The following NFIA variants were observed in gnomAD, a reference collection of about 807,000 sequenced individuals.
NFIA encodes the protein nuclear factor I A.
NFIA carries 8 observed loss-of-function variants against 62.8 expected under a neutral mutation model. The observed-to-expected ratio is 0.13, with a 90% CI of 0.07 to 0.23. The LOEUF is 0.23. Ranked by LOEUF, NFIA falls within the 10% of genes least tolerant of loss-of-function variation. The probability of loss-of-function intolerance (pLI) is 1.00; values close to 1 mark genes in which losing one functional copy is unlikely to be tolerated. For missense variants in NFIA, 410 were observed against 642.1 expected, an observed-to-expected ratio of 0.64 and a Z score of 3.91; for synonymous variants, 235 against 238.1, an observed-to-expected ratio of 0.99 and a Z score of 0.12.
chr1:61,125,800 A>C (rs1646957109), intron 2 of NFIA, among the ~76,000 whole-genome samples: 1 of 152,218 alleles, frequency 6.6e-6, no homozygotes, highest in Non-Finnish European at 1.5e-5. Context: ...AGAAGAGATC[A>C]CCTAAGCCTA....
intron 7 of NFIA, among the ~76,000 whole-genome samples, chr1:61,393,494 T>G (rs942889498): frequency 2.6e-5 from 4 of 151,414 alleles, no homozygotes; most frequent in Non-Finnish European, 5.9e-5. Context: ...ACAACAGATT[T>G]AGGGAAGGGC....
At chr1:61,220,533 C>T (rs201608511) in intron 2 of NFIA, among the ~76,000 whole-genome samples, 1 of 152,218 alleles carries the variant, frequency 6.6e-6, no homozygotes, top group Admixed American at 6.5e-5. Flanking sequence ...GAGACACTAT[C>T]ATTGCTAAAT....
chr1:61,406,543 G>GGGGGGC lies in NFIA; in HGVS notation c.1255-19_1255-18insGGGGGC. On this transcript the variant is annotated intron_variant, in intron 8 of 10. Coordinates refer to ENST00000403491, the MANE Select transcript of NFIA (RefSeq NM_001134673.4). ...TCTTTTTCTTGTACGTGTGTTTTCT[G>GGGGGGC]CCCCCCCCCCCCCCACAGCCCAATG... 1.1e-6 allele frequency: 1 copy of GGGGGGC among 876,654 alleles called. No individual in the cohort carries two copies. Among genetic ancestry groups the GGGGGGC allele is most frequent in the Non-Finnish European group, 1.5e-6 (1 of 653,744 alleles). 54.3% of individuals were successfully genotyped at this position (876,654 alleles called of 1,614,324 possible).
In NFIA at chr1:61,458,414, G is replaced by A. The variant is rs1668398124; in HGVS notation, c.*3094G>A. The A allele has an allele frequency of 6.6e-6, 1 of 152,124 alleles. No individual in the cohort carries two copies. The highest frequency in any genetic ancestry group is 1.5e-5 in the Non-Finnish European group (1 of 68,014). 9.4% of individuals were successfully genotyped at this position (152,124 alleles called of 1,614,324 possible). Reference sequence around the variant, plus strand: ...TTTAGTTGTTTTTAGTGAGCATGTTGTAGTCATGACTGCAAAGAGAGAGAA... The same window carrying A: ...TTTAGTTGTTTTTAGTGAGCATGTTATAGTCATGACTGCAAAGAGAGAGAA... On this transcript the variant is annotated 3_prime_UTR_variant, in exon 11 of 11. Transcript: ENST00000403491.
At chr1:61,156,494 G>T (rs1264598961) in intron 2 of NFIA, among the ~76,000 whole-genome samples, 1 of 152,198 alleles carries the variant, frequency 6.6e-6, no homozygotes, top group Non-Finnish European at 1.5e-5. Flanking sequence ...TGACTATAGA[G>T]AATTCATTGC....
At chr1:61,184,170 CAAAA>C (rs543096247) in intron 2 of NFIA, among the ~76,000 whole-genome samples, 11 of 111,392 alleles carry the variant, frequency 9.9e-5, no homozygotes, top group Non-Finnish European at 1.6e-4. Context: ...AAACAAAAAA[CAAAA>C]AACTTCAGAG....
chr1:61,420,001 G>A (rs116262435), intron 9 of NFIA, among the ~76,000 whole-genome samples: 3,572 of 152,186 alleles, frequency 0.023, 67 homozygotes, highest in Non-Finnish European at 0.038. Flanking sequence ...ATAGAAATTC[G>A]GCGTAGTTAT....
At chr1:61,334,550 T>TGTGTGTGG (rs1661485504) in intron 4 of NFIA, among the ~76,000 whole-genome samples, 1 of 55,360 alleles carries the variant, frequency 1.8e-5, no homozygotes, top group Non-Finnish European at 3.5e-5. Flanking sequence ...TGTGTGTGTG[T>TGTGTGTGG]GTGTGTATAT....
At chr1:61,183,105 AT>A (rs774844214) in intron 2 of NFIA, among the ~76,000 whole-genome samples, 4 of 152,152 alleles carry the variant, frequency 2.6e-5, no homozygotes, top group African/African-American at 9.7e-5. Context: ...CACAGTGTAT[AT>A]TTTGGTTCTT....
At chr1:61,107,923 A>G (rs1001726941) in intron 2 of NFIA, among the ~76,000 whole-genome samples, 2 of 151,560 alleles carry the variant, frequency 1.3e-5, no homozygotes, top group African/African-American at 4.8e-5. Context: ...CTATTCCCCA[A>G]ATAATGTAAA....
At chr1:61,124,599 T>C (rs1646938528) in intron 2 of NFIA, 1 of 152,234 alleles carries the variant, frequency 6.6e-6, no homozygotes, top group Admixed American at 6.5e-5. Flanking sequence ...TGTAAAATTA[T>C]TTGAATAGCT....
At chr1:61,426,205 T>C (rs1393865006) in intron 9 of NFIA, among the ~76,000 whole-genome samples, 1 of 152,212 alleles carries the variant, frequency 6.6e-6, no homozygotes, top group Non-Finnish European at 1.5e-5. Context: ...TGTTCTAATT[T>C]GTATGGTAGA....
chr1:61,119,221 C>A (rs1356552216), intron 2 of NFIA, among the ~76,000 whole-genome samples: 1 of 152,120 alleles, frequency 6.6e-6, no homozygotes, highest in African/African-American at 2.4e-5. Flanking sequence ...GTGTTACTTA[C>A]AAAACCTGGC....
chr1:61,381,533 A>C (rs571521047), intron 6 of NFIA, among the ~76,000 whole-genome samples: 85 of 152,292 alleles, frequency 5.6e-4, no homozygotes, highest in Non-Finnish European at 1.1e-3. Context: ...ATCTGATTCA[A>C]ATTGTCAAAT....
Position 61,209,945 on chromosome 1 carries a change from A to G in NFIA, c.560-67575A>G, listed in dbSNP as rs544808646. ...TCAGGTACAGTTTCACTGTCCAAAA[A>G]TAATTAACATTAACATCTTGGTATA... On this transcript the variant is annotated intron_variant, in intron 2 of 10. Transcript: ENST00000403491. Among the ~76,000 whole-genome samples, 19 of 152,348 alleles carry G rather than the reference A, an allele frequency of 1.2e-4. No homozygotes were observed. The South Asian group carries it at 3.3e-3, about 27-fold the overall frequency.
chr1:61,245,929 C>T (rs1202439139), intron 2 of NFIA, among the ~76,000 whole-genome samples: 1 of 152,124 alleles, frequency 6.6e-6, no homozygotes, highest in African/African-American at 2.4e-5. Flanking sequence ...ATGCTCAAAC[C>T]ATGTGAAAAG....
At chr1:61,160,120 G>A (rs1316606119) in intron 2 of NFIA, among the ~76,000 whole-genome samples, 1 of 152,164 alleles carries the variant, frequency 6.6e-6, no homozygotes, top group Non-Finnish European at 1.5e-5. Flanking sequence ...CTGTGAGGCA[G>A]GAGAAGGGAA....
intron 3 of NFIA, among the ~76,000 whole-genome samples, chr1:61,285,629 T>C (rs948045632): frequency 3.3e-5 from 5 of 152,164 alleles, no homozygotes; most frequent in African/African-American, 1.2e-4. Flanking sequence ...TGGCATTAGC[T>C]TGTCGTTAAG....
chr1:61,110,894 T>G (rs1329972361), intron 2 of NFIA, among the ~76,000 whole-genome samples: 1 of 152,124 alleles, frequency 6.6e-6, no homozygotes, highest in Non-Finnish European at 1.5e-5. Context: ...CATGTTAATG[T>G]TCTGCATTTG....
Sources: gnomAD v4.1 joint callset for allele counts (sites outside exome capture counted in the v4.1 genomes callset) on GRCh38, gnomAD v4.1.1 for gene constraint, MANE v1.5 for transcripts, NCBI Gene and HGNC (gene_info 2026-07-23, HGNC 2026-07-21) for gene names.